Variants in CELF4 observed in about 807,000 individuals in gnomAD.
The protein encoded by CELF4 is CUG-BP- and ETR-3-like factor 4.
CELF4 carries 18 observed loss-of-function variants against 59.9 expected under a neutral mutation model. The ratio of observed to expected loss-of-function variants is 0.30; its 90% confidence interval spans 0.21 to 0.45. The LOEUF is 0.45. Among genes scored for constraint, CELF4 ranks in the 20% least tolerant of loss-of-function variants. The pLI is 1.00. For synonymous variants in CELF4, 261 were observed against 267.1 expected (o/e 0.98, Z 0.22); for missense variants, 456 against 689.0 (o/e 0.66, Z 3.79).
intron 3 of CELF4, among the ~76,000 whole-genome samples, chr18:37,284,024 A>ACC (rs2094482671): frequency 4.8e-4 from 2 of 4,196 alleles, no homozygotes; most frequent in Non-Finnish European, 9.8e-4. Flanking sequence ...ATGCACACAC[A>ACC]CCCAACACAC....
intron 2 of CELF4, among the ~76,000 whole-genome samples, chr18:37,353,521 G>A (rs1300024488): frequency 6.6e-6 from 1 of 151,444 alleles, no homozygotes; most frequent in African/African-American, 2.4e-5. Context: ...CAGCAATAGG[G>A]CATGGGGGAA....
intron 1 of CELF4, among the ~76,000 whole-genome samples, chr18:37,512,944 G>A (rs9961352): frequency 0.018 from 2,671 of 152,198 alleles, 86 homozygotes; most frequent in African/African-American, 0.062. Context: ...GGCCTTCAGG[G>A]CCCATGGATG....
intron 2 of CELF4, among the ~76,000 whole-genome samples, chr18:37,338,870 C>T (rs2097883558): frequency 6.6e-6 from 1 of 151,802 alleles, no homozygotes; most frequent in African/African-American, 2.4e-5. Context: ...CAGCGCTGTG[C>T]CCCAGGGCCA....
In CELF4 at chr18:37,525,031, C is replaced by A. The variant is rs576208423; in HGVS notation, c.287-39424G>T. 7.2e-5 allele frequency among the ~76,000 whole-genome samples: 11 copies of A among 152,340 alleles called. No homozygotes were observed. The East Asian group carries it at 2.1e-3, about 30-fold the overall frequency. ...GCCCTCCTCCCTTCTCCTTTGTTAA[C>A]CACCTCTCTTTCCTAGGGGCCTCTT... On this transcript the variant is annotated intron_variant, in intron 1 of 12. Coordinates refer to ENST00000420428, the MANE Select transcript of CELF4 (RefSeq NM_020180.4).
intron 2 of CELF4, among the ~76,000 whole-genome samples, chr18:37,472,584 A>G (rs1190751737): frequency 1.3e-5 from 2 of 152,242 alleles, no homozygotes; most frequent in African/African-American, 4.8e-5. Flanking sequence ...CTCCTGGATG[A>G]AAGAACTACT....
At chr18:37,510,225 C>A (rs1275818784) in intron 1 of CELF4, among the ~76,000 whole-genome samples, 1 of 152,206 alleles carries the variant, frequency 6.6e-6, no homozygotes, top group Admixed American at 6.5e-5. Flanking sequence ...ACTTTACCCT[C>A]CTCCTGCCCC....
chr18:37,283,027 A>G (rs1341362256), intron 3 of CELF4, among the ~76,000 whole-genome samples: 1 of 152,026 alleles, frequency 6.6e-6, no homozygotes, highest in East Asian at 1.9e-4. Context: ...TGGGATGCAA[A>G]TGAAGACCCT....
intron 2 of CELF4, among the ~76,000 whole-genome samples, chr18:37,364,734 A>G (rs1569567770): frequency 6.6e-6 from 1 of 152,182 alleles, no homozygotes; most frequent in Non-Finnish European, 1.5e-5. Context: ...GTAGAACCAT[A>G]CTCAAATGCT....
intron 2 of CELF4, among the ~76,000 whole-genome samples, chr18:37,428,924 AGTGACCC>A (rs1386793237): frequency 2.6e-5 from 4 of 152,206 alleles, no homozygotes; most frequent in African/African-American, 9.6e-5. Flanking sequence ...TGCTGAACCC[AGTGACCC>A]TTCGAGGGCA....
rs555893967 is a variant in CELF4, at chr18:37,548,158, T to G, written c.286+17198A>C. On this transcript the variant is annotated intron_variant, in intron 1 of 12. Coordinates refer to ENST00000420428, the MANE Select transcript of CELF4 (RefSeq NM_020180.4). ...CACATCTCTGTGTGTGTGTGTGTGT[T>G]TTTTCAGATCCTCCATACAAGACAG... 1.1e-4 allele frequency among the ~76,000 whole-genome samples: 16 copies of G among 151,926 alleles called. 1 individual carries two copies. The highest frequency in any genetic ancestry group is 2.6e-4 in the Admixed American group (4 of 15,244).
In CELF4 at chr18:37,378,720, C is replaced by T. The variant is rs370351669; in HGVS notation, c.370-56839G>A. On this transcript the variant is annotated intron_variant, in intron 2 of 12. Coordinates refer to ENST00000420428, the MANE Select transcript of CELF4 (RefSeq NM_020180.4). ...TTAAAACCCACAAATGCTGGGAAAG[C>T]CGGTCTGAGCTGATTGGCTCATGTG... 2.2e-3 allele frequency among the ~76,000 whole-genome samples: 329 copies of T among 152,310 alleles called. 2 individuals are homozygous for T. The highest frequency in any genetic ancestry group is 7.2e-3 in the African/African-American group (301 of 41,574).
intron 1 of CELF4, among the ~76,000 whole-genome samples, chr18:37,520,588 C>A (rs1162858272): frequency 6.6e-6 from 1 of 152,022 alleles, no homozygotes; most frequent in Non-Finnish European, 1.5e-5. Flanking sequence ...GATAACAGGG[C>A]CTGAGAGCAG....
At chr18:37,412,692 G>A (rs1032758347) in intron 2 of CELF4, among the ~76,000 whole-genome samples, 1 of 152,148 alleles carries the variant, frequency 6.6e-6, no homozygotes, top group Non-Finnish European at 1.5e-5. Flanking sequence ...GTATGGACGG[G>A]TGAATGAATG....
At chr18:37,486,793 A>G (rs2099882212) in intron 1 of CELF4, among the ~76,000 whole-genome samples, 1 of 151,592 alleles carries the variant, frequency 6.6e-6, no homozygotes, top group Non-Finnish European at 1.5e-5. Flanking sequence ...ATCCCCAACA[A>G]CCTGTGTTCC....
intron 2 of CELF4, among the ~76,000 whole-genome samples, chr18:37,451,189 T>C (rs962382326): frequency 6.6e-6 from 1 of 151,990 alleles, no homozygotes; most frequent in Non-Finnish European, 1.5e-5. Flanking sequence ...GTGGCTCCCT[T>C]GGGAGGAGGA....
intron 8 of CELF4, 81 bp downstream of exon 8, chr18:37,270,687 C>T (rs894847660): frequency 3.9e-6 from 6 of 1,542,940 alleles, no homozygotes; most frequent in Non-Finnish European, 3.6e-6. Flanking sequence ...GGAGCCACAT[C>T]TTGTTATAAC....
intron 2 of CELF4, among the ~76,000 whole-genome samples, chr18:37,435,803 G>A (rs1210847405): frequency 6.6e-6 from 1 of 152,206 alleles, no homozygotes; most frequent in African/African-American, 2.4e-5. Context: ...GTCTTCCAGA[G>A]AGGGTCAGAG....
At chr18:37,265,571 G>GT (rs1164320455) in intron 9 of CELF4, among the ~76,000 whole-genome samples, 7 of 152,194 alleles carry the variant, frequency 4.6e-5, no homozygotes, top group African/African-American at 7.2e-5. Context: ...CCAGGGGGTA[G>GT]TCCCCAGGGG....
intron 1 of CELF4, among the ~76,000 whole-genome samples, chr18:37,502,845 G>C (rs893811658): frequency 6.6e-6 from 1 of 152,188 alleles, no homozygotes; most frequent in African/African-American, 2.4e-5. Flanking sequence ...AGCCCTCTAG[G>C]TAGCGCTGAT....
Sources: gnomAD v4.1 joint callset for allele counts (sites outside exome capture counted in the v4.1 genomes callset) on GRCh38, gnomAD v4.1.1 for gene constraint, MANE v1.5 for transcripts, NCBI Gene and HGNC (gene_info 2026-07-23, HGNC 2026-07-21) for gene names.